The following GUK1 variants were observed in gnomAD, a reference collection of about 807,000 sequenced individuals.
GUK1 encodes guanylate kinase 1.
In GUK1, 18 loss-of-function variants were observed where a neutral mutation model predicts 25.2. The observed-to-expected ratio is 0.71, with a 90% CI of 0.49 to 1.06. The LOEUF (loss-of-function observed/expected upper bound fraction) is 1.06, where lower values mean the gene tolerates loss of function less well. Among genes scored for constraint, GUK1 ranks in the 50% least tolerant of loss-of-function variants. The pLI is 0.00. For synonymous variants in GUK1, 105 were observed against 117.6 expected (o/e 0.89, Z 0.69); for missense variants, 261 against 276.7 (o/e 0.94, Z 0.40).
intron 4 of GUK1, 152 bp from the exon 4 acceptor site, chr1:228,146,690 G>A (rs575896625): frequency 1.5e-6 from 1 of 645,990 alleles, no homozygotes; most frequent in Non-Finnish European, 2.8e-6. Flanking sequence ...CACTTGAGGG[G>A]TCCTCAGATG....
At chr1:228,141,631 A>G in intron 2 of GUK1, 1 of 1,193,960 alleles carries the variant, frequency 8.4e-7, no homozygotes, top group Non-Finnish European at 1.1e-6. Flanking sequence ...TTCAGTCCTT[A>G]GGATGGCTGG....
Position 228,146,823 on chromosome 1 carries a change from G to T in GUK1, c.155-19G>T. 6.4e-7 allele frequency: 1 copy of T among 1,551,740 alleles called. No individual in the cohort carries two copies. The highest frequency in any genetic ancestry group is 8.9e-7 in the Non-Finnish European group (1 of 1,123,136). On this transcript the variant is annotated intron_variant, in intron 4 of 8. Transcript: ENST00000312726. ...TGCAGGTCCAGTCTGCCCTCTGGAT[G>T]GCCCCTCCTCTTCCCCAGATTACTA...
Position 228,146,827 on chromosome 1 carries a change from C to T in GUK1, c.155-15C>T. On this transcript the variant is annotated splice_polypyrimidine_tract_variant and intron_variant, in intron 4 of 8. Coordinates refer to ENST00000312726, the MANE Select transcript of GUK1 (RefSeq NM_000858.7). Reference sequence around the variant, plus strand: ...GGTCCAGTCTGCCCTCTGGATGGCCCCTCCTCTTCCCCAGATTACTACTTT... The same window carrying T: ...GGTCCAGTCTGCCCTCTGGATGGCCTCTCCTCTTCCCCAGATTACTACTTT... 2.5e-6 allele frequency: 4 copies of T among 1,576,958 alleles called. No individual in the cohort carries two copies. Among genetic ancestry groups the T allele is most frequent in the Non-Finnish European group, 3.5e-6 (4 of 1,146,232 alleles).
rs377531998 is a variant in GUK1, at chr1:228,146,954, G to C, written c.251+16G>C. 8.3e-6 allele frequency: 13 copies of C among 1,562,218 alleles called. No homozygotes were observed. Among genetic ancestry groups the C allele is most frequent in the Non-Finnish European group, 1.1e-5 (13 of 1,132,860 alleles). On this transcript the variant is annotated intron_variant, in intron 5 of 8. Coordinates refer to ENST00000312726, the MANE Select transcript of GUK1 (RefSeq NM_000858.7). ...ATGGCACGAGGTGGGCCATGCGTGG[G>C]TGTGGGTGGGCTCCCAGGGTTGCTG... is the stretch of plus-strand genomic sequence containing the variant.
chr1:228,141,283 C>T lies in GUK1; in HGVS notation c.-8C>T, dbSNP rs749623702. 292 of 982,170 alleles carry T rather than the reference C, an allele frequency of 3.0e-4. No homozygotes were observed. The highest frequency in any genetic ancestry group is 3.4e-4 in the Non-Finnish European group (285 of 826,954). 60.8% of individuals were successfully genotyped at this position (982,170 alleles called of 1,614,324 possible). ...TGGCTCTGGAAGAGCCCGATTTCCTCAGGAGGTAAAGGAATGTTCCTGTCC... is the reference window on the plus strand; with the variant it reads ...TGGCTCTGGAAGAGCCCGATTTCCTTAGGAGGTAAAGGAATGTTCCTGTCC... On this transcript the variant is annotated 5_prime_UTR_variant, in exon 2 of 9. Coordinates refer to ENST00000312726, the MANE Select transcript of GUK1 (RefSeq NM_000858.7).
At chr1:228,147,269 C>G in intron 5 of GUK1, 137 bp from the exon 5 acceptor site, 1 of 798,536 alleles carries the variant, frequency 1.3e-6, no homozygotes, top group Non-Finnish European at 2.0e-6. Context: ...GAGATGCTGT[C>G]GGGTGCTGGG....
chr1:228,141,398 T>C (rs1234907698), intron 2 of GUK1: 1 of 409,972 alleles, frequency 2.4e-6, no homozygotes, highest in Non-Finnish European at 3.3e-6. Flanking sequence ...CCAGGATGCG[T>C]GCTACCCGGA....
intron 8 of GUK1, 35 bp from the exon 8 acceptor site, chr1:228,148,630 C>T: frequency 1.3e-6 from 2 of 1,567,490 alleles, no homozygotes; most frequent in Non-Finnish European, 8.7e-7. Flanking sequence ...TCCTGGATAC[C>T]AGCCCTCCCA....
At chr1:228,146,240 C>T (rs1160636678) in intron 4 of GUK1, 173 bp downstream of exon 3, 14 of 598,014 alleles carry the variant, frequency 2.3e-5, no homozygotes, top group African/African-American at 3.7e-5. Flanking sequence ...AGCGCCACAG[C>T]GTGGTGTCGC....
intron 2 of GUK1, chr1:228,141,760 T>G (rs2034068785): frequency 7.6e-7 from 1 of 1,319,702 alleles, no homozygotes; most frequent in Admixed American, 2.1e-5. Context: ...TTCCGGAACA[T>G]GGATCTGCGC....
chr1:228,145,818 TC>T, intron 3 of GUK1, 194 bp downstream of exon 2: 1 of 726,116 alleles, frequency 1.4e-6, no homozygotes, highest in South Asian at 1.8e-5. Context: ...GTGTCTCCCT[TC>T]CCTGGGTCTG....
intron 5 of GUK1, 30 bp from the exon 5 acceptor site, chr1:228,147,376 C>T: frequency 2.5e-6 from 4 of 1,598,176 alleles, no homozygotes; most frequent in Non-Finnish European, 3.4e-6. Context: ...AGAGCCCTGG[C>T]ACCCCTGCTG....
Position 228,146,852 on chromosome 1 carries a change from T to TGTAACCAGGGAG in GUK1, c.168_179dup (p.Thr57_Val60dup), listed in dbSNP as rs1190487806. 6.2e-7 allele frequency: 1 copy of TGTAACCAGGGAG among 1,610,654 alleles called. No homozygotes were observed. Among genetic ancestry groups the TGTAACCAGGGAG allele is most frequent in the Non-Finnish European group, 8.5e-7 (1 of 1,176,938 alleles). The stretch of plus-strand genomic sequence containing the variant: ...CCTCCTCTTCCCCAGATTACTACTT[T>TGTAACCAGGGAG]GTAACCAGGGAGGTGATGCAGCGTG... On this transcript the variant is annotated inframe_insertion, in exon 5 of 9. Transcript: ENST00000312726.
chr1:228,145,852 C>T, intron 3 of GUK1, 174 bp from the exon 3 acceptor site: 4 of 703,268 alleles, frequency 5.7e-6, no homozygotes, highest in South Asian at 1.8e-5. Flanking sequence ...AACTGGGCCA[C>T]AGTGTTTCTT....
At position 228,148,438 on chromosome 1, in the gene GUK1, G is replaced by A; in HGVS notation, c.543G>A (p.Leu181=). ...GCCTGGACCAGGCCTACGCAGAGCT[G>A]AAGGAGGCGCTCTCTGAGGTGGGCC... The change falls in exon 8 of 9, where the codon CTG becomes CTA. Residue 181 remains leucine, a synonymous_variant. Transcript: ENST00000312726. 6.4e-7 allele frequency: 1 copy of A among 1,573,328 alleles called. No homozygotes were observed. Among genetic ancestry groups the A allele is most frequent in the South Asian group, 1.2e-5 (1 of 86,472 alleles).
chr1:228,147,282 C>T (rs938694006), intron 5 of GUK1, 124 bp from the exon 5 acceptor site: 1 of 933,344 alleles, frequency 1.1e-6, no homozygotes, highest in Non-Finnish European at 1.6e-6. Flanking sequence ...GTGCTGGGTC[C>T]AGGCCAGGCC....
At chr1:228,145,943 G>A (rs1448275292) in intron 3 of GUK1, 83 bp from the exon 3 acceptor site, 9 of 1,011,804 alleles carry the variant, frequency 8.9e-6, no homozygotes, top group Non-Finnish European at 1.4e-5. Flanking sequence ...TGGGGCTCAA[G>A]TGCTGTCGGG....
chr1:228,148,824 G>T lies in GUK1; in HGVS notation c.*127G>T, dbSNP rs767014698. 1.9e-6 allele frequency: 3 copies of T among 1,564,500 alleles called. No homozygotes were observed. Among genetic ancestry groups the T allele is most frequent in the Non-Finnish European group, 2.6e-6 (3 of 1,154,390 alleles). On this transcript the variant is annotated 3_prime_UTR_variant, in exon 9 of 9. Coordinates refer to ENST00000312726, the MANE Select transcript of GUK1 (RefSeq NM_000858.7). ...CAGCATGTGGAGTGGAGGAGATGCT[G>T]CCCCTGTGGTTGGAACATCCTGGGG... is the stretch of plus-strand genomic sequence containing the variant.
chr1:228,148,201 G>GCC, intron 7 of GUK1, 170 bp from the exon 7 acceptor site: 1 of 695,930 alleles, frequency 1.4e-6, no homozygotes. Flanking sequence ...GAGGACTGAG[G>GCC]CCCAGGGGGC....
Sources: allele counts gnomAD v4.1 joint callset, GRCh38; gene constraint gnomAD v4.1.1; transcripts MANE v1.5; gene names NCBI Gene and HGNC (gene_info 2026-07-23, HGNC 2026-07-21).